The following DHX36 variants were observed in gnomAD, a reference collection of about 807,000 sequenced individuals.
DHX36 encodes the protein DEAH-box helicase 36, also known as ATP-dependent DNA/RNA helicase DHX36.
Under a neutral mutation model 139.0 loss-of-function variants are expected in DHX36, and 50 were observed. The ratio of observed to expected loss-of-function variants is 0.36; its 90% CI spans 0.29 to 0.46. The LOEUF is 0.46. Among genes scored for constraint, DHX36 ranks in the 20% least tolerant of loss-of-function variants. DHX36 has a pLI of 1.00. For synonymous variants in DHX36, 425 were observed against 401.9 expected (o/e 1.06, Z -0.69); for missense variants, 1,024 against 1,211.3 (o/e 0.85, Z 2.29).
At chr3:154,298,044 A>G (rs1467296174) in intron 12 of DHX36, among the ~76,000 whole-genome samples, 2 of 152,218 alleles carry the variant, frequency 1.3e-5, no homozygotes, top group Non-Finnish European at 2.9e-5. Context: ...TTTCAACATA[A>G]TTTGAGAAAA....
chr3:154,306,375 G>C, intron 5 of DHX36, 80 bp from the exon 6 acceptor site: 1 of 1,234,486 alleles, frequency 8.1e-7, no homozygotes, highest in African/African-American at 1.5e-5. Context: ...ATCTAGGACT[G>C]TTGAAAAATT....
intron 11 of DHX36, 39 bp from the exon 12 acceptor site, chr3:154,299,964 C>A: frequency 7.3e-7 from 1 of 1,368,178 alleles, no homozygotes; most frequent in Non-Finnish European, 1.0e-6. Flanking sequence ...AGGATCACAT[C>A]AACAAAATGC....
rs966059880 is a variant in DHX36 at position 154,314,254 on chromosome 3, A to G, written c.603+792T>C. Reference sequence around the variant, plus strand: ...GGCCCTGGACAACCTCAGCTTATCTATTCTAATACGGAAATCCAACTGTCA... The same window carrying G: ...GGCCCTGGACAACCTCAGCTTATCTGTTCTAATACGGAAATCCAACTGTCA... On this transcript the variant is annotated intron_variant, in intron 3 of 24. Transcript: ENST00000496811. Among the ~76,000 whole-genome samples the G allele has an allele frequency of 3.3e-5, 5 of 152,232 alleles. No individual in the cohort carries two copies. In the East Asian group the frequency reaches 7.7e-4, roughly 23 times the overall value.
At chr3:154,293,566 AATG>A (rs1226020239) in intron 14 of DHX36, among the ~76,000 whole-genome samples, 179 bp downstream of exon 14, 1 of 152,206 alleles carries the variant, frequency 6.6e-6, no homozygotes, top group African/African-American at 2.4e-5. Context: ...TGGGTGACAG[AATG>A]AGACCTTGTC....
chr3:154,290,798 A>G (rs1437361908), intron 15 of DHX36, among the ~76,000 whole-genome samples: 1 of 152,024 alleles, frequency 6.6e-6, no homozygotes, highest in Admixed American at 6.6e-5. Flanking sequence ...TGTCTATTAT[A>G]TAATATACCT....
chr3:154,291,304 C>T (rs186962030), intron 15 of DHX36, among the ~76,000 whole-genome samples: 4 of 152,190 alleles, frequency 2.6e-5, no homozygotes, highest in Admixed American at 6.5e-5. Flanking sequence ...GTTAACCTAC[C>T]GCACAGGAGT....
At chr3:154,323,161 C>G (rs1034661293) in intron 1 of DHX36, among the ~76,000 whole-genome samples, 1 of 151,962 alleles carries the variant, frequency 6.6e-6, no homozygotes, top group Non-Finnish European at 1.5e-5. Flanking sequence ...ATGGTGAAAC[C>G]CCGTCTCTAC....
In DHX36 at chr3:154,292,640, C is replaced by T. The variant is rs375852049; in HGVS notation, c.1725G>A (p.Thr575=). 1.9e-5 allele frequency: 31 copies of T among 1,612,492 alleles called. No individual in the cohort carries two copies. In the East Asian group the frequency reaches 3.1e-4, roughly 16 times the overall value. The stretch of plus-strand genomic sequence containing the variant: ...TGATATTGTTCTGAGTATCAAAATG[C>T]GTCTCTTTTATTTTTCCTCCATCTA... ...YVIDGGKIKE[T]HFDTQNNIST... The change falls in exon 15 of 25, where the codon ACG becomes ACA. Residue 575 remains threonine, a synonymous_variant. Coordinates refer to ENST00000496811, the MANE Select transcript of DHX36 (RefSeq NM_020865.3).
At chr3:154,305,660 G>T (rs1281620063) in intron 6 of DHX36, among the ~76,000 whole-genome samples, 1 of 152,168 alleles carries the variant, frequency 6.6e-6, no homozygotes, top group Non-Finnish European at 1.5e-5. Flanking sequence ...CCAGCTACTT[G>T]AGAGGCTGAG....
chr3:154,292,726 A>AACACAC lies in DHX36; in HGVS notation c.1671-38_1671-33dup, dbSNP rs58416816. ...GGAAAACAGATATATAAAATGTTAA[A>AACACAC]ACACACACACACACACACACACACA... is the stretch of plus-strand genomic sequence containing the variant. On this transcript the variant is annotated intron_variant, in intron 14 of 24. Coordinates refer to ENST00000496811, the MANE Select transcript of DHX36 (RefSeq NM_020865.3). 2,455 of 1,516,806 alleles carry AACACAC rather than the reference A, an allele frequency of 1.6e-3. 3 individuals are homozygous for AACACAC. The highest frequency in any genetic ancestry group is 0.013 in the African/African-American group (892 of 70,488). 94.0% of individuals were successfully genotyped at this position (1,516,806 alleles called of 1,614,324 possible).
chr3:154,312,118 A>G (rs1362822174), intron 3 of DHX36: 1 of 152,534 alleles, frequency 6.6e-6, no homozygotes, highest in Non-Finnish European at 1.5e-5. Flanking sequence ...AGTGTAAGAG[A>G]AAACTTAAAA....
At chr3:154,300,863 G>T in intron 10 of DHX36, 124 bp downstream of exon 10, 1 of 1,391,712 alleles carries the variant, frequency 7.2e-7, no homozygotes. Flanking sequence ...ACAATATTTA[G>T]CTCGAATAAG....
chr3:154,302,722 C>CA (rs1281198791), intron 9 of DHX36, among the ~76,000 whole-genome samples: 2 of 152,128 alleles, frequency 1.3e-5, no homozygotes, highest in East Asian at 1.9e-4. Flanking sequence ...GGAGAACCAG[C>CA]AAAAGGGTTC....
intron 17 of DHX36, among the ~76,000 whole-genome samples, chr3:154,288,372 C>T (rs1049375148): frequency 1.3e-5 from 2 of 150,940 alleles, no homozygotes; most frequent in Non-Finnish European, 3.0e-5. Flanking sequence ...AAAAAAAAAT[C>T]AAGCCATTAT....
At chr3:154,323,279 G>C (rs988766126) in intron 1 of DHX36, among the ~76,000 whole-genome samples, 3 of 151,980 alleles carry the variant, frequency 2.0e-5, no homozygotes, top group Admixed American at 6.5e-5. Context: ...AGGTTGCAGT[G>C]AGCTAAGATC....
chr3:154,281,490 T>C (rs1392114440), intron 20 of DHX36, among the ~76,000 whole-genome samples: 1 of 152,024 alleles, frequency 6.6e-6, no homozygotes, highest in Non-Finnish European at 1.5e-5. Flanking sequence ...ATTAAGTATA[T>C]ATACTGATAG....
intron 19 of DHX36, among the ~76,000 whole-genome samples, chr3:154,284,007 T>C (rs1279712231): frequency 6.6e-6 from 1 of 152,230 alleles, no homozygotes; most frequent in East Asian, 1.9e-4. Flanking sequence ...AATACAAAAT[T>C]TTAAAATAAA....
intron 12 of DHX36, among the ~76,000 whole-genome samples, chr3:154,297,277 A>G (rs762949548): frequency 1.3e-5 from 2 of 152,258 alleles, no homozygotes; most frequent in East Asian, 3.8e-4. Context: ...TATGATAAAG[A>G]CATGATGGTT....
At chr3:154,301,943 C>T (rs549475054) in intron 9 of DHX36, among the ~76,000 whole-genome samples, 4 of 151,992 alleles carry the variant, frequency 2.6e-5, no homozygotes, top group African/African-American at 9.6e-5. Flanking sequence ...GTCAGAATAT[C>T]CCTCCTCTGC....
Sources: allele counts gnomAD v4.1 joint callset (sites outside exome capture counted in the v4.1 genomes callset), GRCh38; gene constraint gnomAD v4.1.1; transcripts MANE v1.5; gene names NCBI Gene and HGNC (gene_info 2026-07-23, HGNC 2026-07-21).